The following FGD6 variants were observed in gnomAD, a reference collection of about 807,000 sequenced individuals.
FGD6 encodes FYVE, RhoGEF and PH domain-containing protein 6.
Under a neutral mutation model 149.4 loss-of-function variants are expected in FGD6, and 90 were observed. The observed-to-expected ratio is 0.60, with a 90% CI of 0.51 to 0.72. The LOEUF (loss-of-function observed/expected upper bound fraction) is 0.72, where lower values mean the gene tolerates loss of function less well. FGD6 is among the 30% of genes least tolerant of loss of function. FGD6 has a pLI of 0.00. For synonymous variants in FGD6, 527 were observed against 584.0 expected, an observed-to-expected ratio of 0.90 and a Z score of 1.41; for missense variants, 1,437 against 1,684.8, an observed-to-expected ratio of 0.85 and a Z score of 2.57.
intron 3 of FGD6, among the ~76,000 whole-genome samples, chr12:95,158,687 T>C (rs1296998745): frequency 6.6e-6 from 1 of 152,054 alleles, no homozygotes; most frequent in African/African-American, 2.4e-5. Flanking sequence ...AATCTGTAGA[T>C]AGAAAAGTTT....
At chr12:95,172,791 G>C (rs1881032561) in intron 2 of FGD6, 47 bp from the exon 3 acceptor site, 1 of 1,465,220 alleles carries the variant, frequency 6.8e-7, no homozygotes, top group South Asian at 1.5e-5. Context: ...ATAATAAGAA[G>C]TGCTAGCAAA....
intron 1 of FGD6, among the ~76,000 whole-genome samples, chr12:95,212,847 C>T (rs1173632612): frequency 6.6e-6 from 1 of 152,090 alleles, no homozygotes; most frequent in Non-Finnish European, 1.5e-5. Context: ...CTTCCTTTTA[C>T]CAACCAAGGA....
At chr12:95,186,521 G>GAAA (rs57464025) in intron 2 of FGD6, among the ~76,000 whole-genome samples, 8 of 136,392 alleles carry the variant, frequency 5.9e-5, no homozygotes, top group Admixed American at 1.5e-4. Context: ...CTTAAATCAT[G>GAAA]AAAAAAAAAA....
intron 5 of FGD6, among the ~76,000 whole-genome samples, chr12:95,150,470 C>T (rs550998455): frequency 8.5e-5 from 13 of 152,106 alleles, no homozygotes; most frequent in South Asian, 6.2e-4. Flanking sequence ...CAGATGTCTA[C>T]GGTGTGGTGG....
rs1880354446 is a variant in FGD6 at position 95,153,000 on chromosome 12, A to AGG, written c.2587-8_2587-7insCC. 1 of 1,611,986 alleles carries AGG rather than the reference A, an allele frequency of 6.2e-7. No homozygotes were observed. ...TCATTCCATTATCTTCATCCTGTGG[A>AGG]TAAGAGCACATTTAACATGAACTCA... On this transcript the variant is annotated splice_polypyrimidine_tract_variant and splice_region_variant and intron_variant, in intron 3 of 20. Coordinates refer to ENST00000343958, the MANE Select transcript of FGD6 (RefSeq NM_018351.4).
At chr12:95,086,666 A>G (rs1391272344) in intron 18 of FGD6, among the ~76,000 whole-genome samples, 7 of 146,660 alleles carry the variant, frequency 4.8e-5, no homozygotes, top group African/African-American at 1.8e-4. Flanking sequence ...CAGCCTCCCG[A>G]GTAGCTGGGA....
chr12:95,190,188 G>C (rs568698916), intron 2 of FGD6, among the ~76,000 whole-genome samples: 2 of 152,266 alleles, frequency 1.3e-5, no homozygotes, highest in East Asian at 3.9e-4. Context: ...TTTTGTTTTT[G>C]AAATGGAGTC....
chr12:95,148,612 ATAT>A (rs1036756810), intron 5 of FGD6, among the ~76,000 whole-genome samples: 1 of 130,796 alleles, frequency 7.6e-6, no homozygotes, highest in Non-Finnish European at 1.5e-5. Flanking sequence ...CATGTTATAT[ATAT>A]TATATAATAC....
chr12:95,198,196 G>T (rs756049287), intron 2 of FGD6, among the ~76,000 whole-genome samples: 1 of 152,108 alleles, frequency 6.6e-6, no homozygotes, highest in African/African-American at 2.4e-5. Flanking sequence ...ACATCAACAT[G>T]TTCTGATTAA....
In FGD6 at chr12:95,137,540, A is replaced by C; in HGVS notation, c.2976T>G (p.Ala992=). 1 of 1,594,720 alleles carries C rather than the reference A, an allele frequency of 6.3e-7. No individual in the cohort carries two copies. Among genetic ancestry groups the C allele is most frequent in the South Asian group, 1.2e-5 (1 of 86,748 alleles). ...EQCKKNPGFA[A]VVREFEMSPR... is the part of the protein sequence containing the mutation. Reference sequence around the variant, plus strand: ...CAAATACCTCAAATTCTCTAACAACAGCAGCAAAACCTGGATTTTTCTTGC... The same window carrying C: ...CAAATACCTCAAATTCTCTAACAACCGCAGCAAAACCTGGATTTTTCTTGC... Residue 992 remains alanine (A), a synonymous_variant, in exon 7 of 21, where the codon GCT becomes GCG. Coordinates refer to ENST00000343958, the MANE Select transcript of FGD6 (RefSeq NM_018351.4).
At chr12:95,109,558 A>T (rs1393305528) in intron 9 of FGD6, among the ~76,000 whole-genome samples, 1 of 105,660 alleles carries the variant, frequency 9.5e-6, no homozygotes, top group African/African-American at 3.3e-5. Flanking sequence ...GTCATCAAAA[A>T]AAGGACTATT....
chr12:95,081,544 TGCTTCTATCCACCTATTGATAAGAG>T lies in FGD6; in HGVS notation c.4257-13_4268del, dbSNP rs1205334088. 1.2e-6 allele frequency: 2 copies of T among 1,606,664 alleles called. No homozygotes were observed. Among genetic ancestry groups the T allele is most frequent in the Non-Finnish European group, 1.7e-6 (2 of 1,176,892 alleles). ...GCTACAATATTGTGCCTTCCTGAAA[TGCTTCTATCCACCTATTGATAAGAG>T]AAATCGGTTAGATTTGTAAAACCTA... On this transcript the variant is annotated splice_acceptor_variant and splice_polypyrimidine_tract_variant and coding_sequence_variant and intron_variant, in exon 21 of 21. Coordinates refer to ENST00000343958, the MANE Select transcript of FGD6 (RefSeq NM_018351.4). LOFTEE classifies it high-confidence loss of function.
intron 2 of FGD6, among the ~76,000 whole-genome samples, chr12:95,184,932 G>A (rs1237932446): frequency 6.8e-6 from 1 of 146,598 alleles, no homozygotes; most frequent in Non-Finnish European, 1.5e-5. Context: ...GGAGTGCAGT[G>A]GTGCGATCTT....
chr12:95,092,140 GTCA>G (rs1456388792), intron 16 of FGD6, among the ~76,000 whole-genome samples: 3 of 152,200 alleles, frequency 2.0e-5, no homozygotes, highest in Non-Finnish European at 4.4e-5. Context: ...CACCAGCACT[GTCA>G]TCATCATAAT....
intron 2 of FGD6, among the ~76,000 whole-genome samples, chr12:95,178,864 CAT>C (rs1409749054): frequency 6.6e-6 from 1 of 152,042 alleles, no homozygotes; most frequent in African/African-American, 2.4e-5. Context: ...AAACTTACAA[CAT>C]AAAATGTACA....
chr12:95,185,252 TTTGA>T (rs1452124168), intron 2 of FGD6, among the ~76,000 whole-genome samples: 7 of 152,294 alleles, frequency 4.6e-5, no homozygotes, highest in African/African-American at 7.2e-5. Flanking sequence ...TTTTAGCTTC[TTTGA>T]TTGGGAAACC....
At chr12:95,091,363 A>G (rs150443937) in intron 17 of FGD6, among the ~76,000 whole-genome samples, 35 of 152,362 alleles carry the variant, frequency 2.3e-4, no homozygotes, top group African/African-American at 8.2e-4. Context: ...GAATTACTTT[A>G]CATATAGATA....
chr12:95,081,559 A>G lies in FGD6; in HGVS notation c.4257-3T>C. On this transcript the variant is annotated splice_polypyrimidine_tract_variant and splice_region_variant and intron_variant, in intron 20 of 20. Coordinates refer to ENST00000343958, the MANE Select transcript of FGD6 (RefSeq NM_018351.4). ...CTTCCTGAAATGCTTCTATCCACCT[A>G]TTGATAAGAGAAATCGGTTAGATTT... 1.9e-6 allele frequency: 3 copies of G among 1,601,800 alleles called. No individual in the cohort carries two copies. Among genetic ancestry groups the G allele is most frequent in the Non-Finnish European group, 2.6e-6 (3 of 1,174,026 alleles).
chr12:95,140,611 C>T (rs1487845966), intron 6 of FGD6, among the ~76,000 whole-genome samples: 1 of 151,954 alleles, frequency 6.6e-6, no homozygotes, highest in Non-Finnish European at 1.5e-5. Flanking sequence ...GAGTGAAACT[C>T]CATCTCAAAA....
Sources: gnomAD v4.1 joint callset for allele counts (sites outside exome capture counted in the v4.1 genomes callset) on GRCh38, gnomAD v4.1.1 for gene constraint, MANE v1.5 for transcripts, NCBI Gene and HGNC (gene_info 2026-07-23, HGNC 2026-07-21) for gene names.